The following DNMBP variants were observed in gnomAD, a reference collection of about 807,000 sequenced individuals.
The protein encoded by DNMBP is dynamin-binding protein.
A neutral mutation model predicts 150.0 loss-of-function variants in DNMBP; 87 were observed. That is an observed-to-expected ratio of 0.58 (90% CI 0.49 to 0.69). The LOEUF is 0.69. Ranked by LOEUF, DNMBP falls within the 30% of genes least tolerant of loss-of-function variation. DNMBP has a pLI of 0.00. For missense variants in DNMBP, 1,774 were observed against 1,949.0 expected (o/e 0.91, Z 1.69); for synonymous variants, 711 against 750.4 (o/e 0.95, Z 0.86).
At chr10:99,969,372 G>C in intron 2 of DNMBP, 135 bp from the exon 3 acceptor site, 1 of 832,240 alleles carries the variant, frequency 1.2e-6, no homozygotes, top group South Asian at 1.8e-5. Context: ...CATAATTGGA[G>C]AATCTGTTGG....
At chr10:99,891,742 GGCC>G (rs377442081) in intron 11 of DNMBP, among the ~76,000 whole-genome samples, 19,267 of 147,288 alleles carry the variant, frequency 0.13, 2,013 homozygotes, top group African/African-American at 0.28. Context: ...ACCTCTTCCC[GGCC>G]GCCATCACAT....
At chr10:99,979,766 C>T (rs1428965536) in intron 1 of DNMBP, among the ~76,000 whole-genome samples, 3 of 152,222 alleles carry the variant, frequency 2.0e-5, no homozygotes, top group Non-Finnish European at 4.4e-5. Flanking sequence ...GGCCACAGCA[C>T]GCCGTTTTCA....
chr10:99,940,481 C>T (rs2040282850), intron 4 of DNMBP, among the ~76,000 whole-genome samples: 1 of 152,082 alleles, frequency 6.6e-6, no homozygotes, highest in Non-Finnish European at 1.5e-5. Context: ...CTTGCCAGAC[C>T]CCTCCCCTCC....
At chr10:99,932,459 C>T (rs1714403315) in intron 4 of DNMBP, among the ~76,000 whole-genome samples, 1 of 152,110 alleles carries the variant, frequency 6.6e-6, no homozygotes, top group Admixed American at 6.5e-5. Context: ...ATTTGTGATG[C>T]CATGAATGTG....
rs750442778 is a variant in DNMBP, at chr10:99,969,357, A to G, written c.146-120T>C. The G allele has an allele frequency of 4.2e-6, 4 of 953,102 alleles. No individual in the cohort carries two copies. The Admixed American group carries it at 1.0e-4, about 24-fold the overall frequency. The allele number at this position is 953,102 out of a possible 1,614,324, so 59.0% of individuals were successfully genotyped here. A position where few individuals can be genotyped will look rare whatever the true frequency, so the allele number is the denominator to read the frequency against. On this transcript the variant is annotated intron_variant, in intron 2 of 16. Coordinates refer to ENST00000324109, the MANE Select transcript of DNMBP (RefSeq NM_015221.4). The stretch of plus-strand genomic sequence containing the variant: ...AGACCGTAACTTGAAAACTCAGGGA[A>G]TACTCATAATTGGAGAATCTGTTGG...
intron 3 of DNMBP, among the ~76,000 whole-genome samples, chr10:99,965,994 T>C (rs2040615588): frequency 6.6e-6 from 1 of 152,258 alleles, no homozygotes; most frequent in African/African-American, 2.4e-5. Context: ...AACAATACTT[T>C]CATTTTTTAG....
chr10:99,914,858 G>A (rs969109525), intron 4 of DNMBP, among the ~76,000 whole-genome samples: 1 of 151,924 alleles, frequency 6.6e-6, no homozygotes, highest in South Asian at 2.1e-4. Context: ...CTGGGAGGCC[G>A]AGATGGGTGG....
In DNMBP at chr10:99,997,393, C is replaced by G. The variant is rs376402000; in HGVS notation, c.-11+12445G>C. Among the ~76,000 whole-genome samples, 732 of 152,226 alleles carry G rather than the reference C, an allele frequency of 4.8e-3. 5 individuals carry two copies. The highest frequency in any genetic ancestry group is 0.016 in the African/African-American group (659 of 41,540). ...TGTTGATAATGTCATTCCCTGACAC[C>G]TGGAACATTTTGAAAGACTCCTCAG... On this transcript the variant is annotated intron_variant, in intron 1 of 16. Coordinates refer to ENST00000324109, the MANE Select transcript of DNMBP (RefSeq NM_015221.4).
chr10:99,888,828 G>C lies in DNMBP; in HGVS notation c.3282C>G (p.Asn1094Lys). The C allele has an allele frequency of 6.2e-7, 1 of 1,613,980 alleles. No individual in the cohort carries two copies. Among genetic ancestry groups the C allele is most frequent in the Non-Finnish European group, 8.5e-7 (1 of 1,179,966 alleles). ...TTTTGAAGAAAAAGTTACTTACAAA[G>C]TTTGTGAAGAGCTGGTCACTGATGT... is the stretch of plus-strand genomic sequence containing the variant. ...HRYISDQLFT[N>K]FKERTERLVI... The change falls in exon 12 of 17, where the codon AAC (asparagine) becomes AAG (lysine). Residue 1094 changes from asparagine (N) to lysine (K), a missense_variant. Coordinates refer to ENST00000324109, the MANE Select transcript of DNMBP (RefSeq NM_015221.4).
chr10:99,989,692 C>G (rs1435711047), intron 1 of DNMBP, among the ~76,000 whole-genome samples: 1 of 152,088 alleles, frequency 6.6e-6, no homozygotes, highest in Non-Finnish European at 1.5e-5. Flanking sequence ...GCCTGGGCAA[C>G]AAGAGCGAAA....
intron 3 of DNMBP, 136 bp downstream of exon 3, chr10:99,968,979 G>A (rs1481055796): frequency 1.4e-5 from 13 of 913,356 alleles, no homozygotes; most frequent in South Asian, 3.5e-5. Flanking sequence ...GCATCATTAC[G>A]TCCACGCTAT....
At chr10:99,932,180 C>T (rs2040166976) in intron 4 of DNMBP, among the ~76,000 whole-genome samples, 1 of 152,046 alleles carries the variant, frequency 6.6e-6, no homozygotes, top group African/African-American at 2.4e-5. Flanking sequence ...GGAATGATTC[C>T]TTGAACTTTA....
intron 1 of DNMBP, among the ~76,000 whole-genome samples, chr10:99,976,921 T>C (rs1204063661): frequency 1.3e-5 from 2 of 152,214 alleles, no homozygotes; most frequent in African/African-American, 4.8e-5. Context: ...TCAGATTTCA[T>C]CTATCAGACT....
chr10:99,915,350 C>A (rs2039953895), intron 4 of DNMBP, among the ~76,000 whole-genome samples: 1 of 150,342 alleles, frequency 6.7e-6, no homozygotes, highest in African/African-American at 2.5e-5. Flanking sequence ...AAGTTGAGAT[C>A]AATGGGGACT....
intron 1 of DNMBP, among the ~76,000 whole-genome samples, chr10:99,986,619 A>C (rs1430256228): frequency 2.2e-5 from 3 of 135,558 alleles, no homozygotes; most frequent in East Asian, 2.1e-4. Context: ...AAAAAAAAAA[A>C]AAAAAACCTG....
intron 1 of DNMBP, among the ~76,000 whole-genome samples, chr10:99,989,492 T>C (rs1443396007): frequency 6.6e-6 from 1 of 151,980 alleles, no homozygotes; most frequent in Non-Finnish European, 1.5e-5. Flanking sequence ...AGGTGGATCA[T>C]CTGAGGTCAA....
intron 15 of DNMBP, among the ~76,000 whole-genome samples, chr10:99,883,528 G>A (rs1391974322): frequency 6.7e-6 from 1 of 149,724 alleles, no homozygotes; most frequent in African/African-American, 2.5e-5. Flanking sequence ...AGCTGGGCAT[G>A]ATGGCATACC....
intron 6 of DNMBP, among the ~76,000 whole-genome samples, chr10:99,906,340 G>A (rs933075491): frequency 5.3e-5 from 8 of 152,108 alleles, no homozygotes; most frequent in Non-Finnish European, 1.0e-4. Context: ...AACGACACAG[G>A]GGTCACTCCT....
At chr10:99,958,863 C>T (rs1312746719) in intron 3 of DNMBP, among the ~76,000 whole-genome samples, 1 of 152,152 alleles carries the variant, frequency 6.6e-6, no homozygotes, top group Admixed American at 6.5e-5. Context: ...GAAAGTTCAC[C>T]GACGTAGTTT....
Sources: allele counts gnomAD v4.1 joint callset (sites outside exome capture counted in the v4.1 genomes callset), GRCh38; gene constraint gnomAD v4.1.1; transcripts MANE v1.5; gene names NCBI Gene and HGNC (gene_info 2026-07-23, HGNC 2026-07-21).